CACNA2D3: variants seen among roughly 807,000 people sequenced by gnomAD.
CACNA2D3 encodes the protein voltage-dependent calcium channel subunit alpha-2/delta-3.
CACNA2D3 carries 60 observed loss-of-function variants against 160.6 expected under a neutral mutation model. The ratio of observed to expected loss-of-function variants is 0.37; its 90% CI spans 0.30 to 0.46. The LOEUF (loss-of-function observed/expected upper bound fraction) is 0.46, where lower values mean the gene tolerates loss of function less well. Among genes scored for constraint, CACNA2D3 ranks in the 20% least tolerant of loss-of-function variants. The pLI, the probability that CACNA2D3 is intolerant of heterozygous loss-of-function variation, is 1.00. For missense variants in CACNA2D3, 1,205 were observed against 1,365.0 expected (o/e 0.88, Z 1.85); for synonymous variants, 558 against 492.9 (o/e 1.13, Z -1.75).
chr3:54,138,635 G>A (rs186989383), intron 2 of CACNA2D3, among the ~76,000 whole-genome samples: 1 of 152,346 alleles, frequency 6.6e-6, no homozygotes, highest in East Asian at 1.9e-4. Context: ...GGCCCAAGGA[G>A]ATGTCACCAG....
chr3:54,966,135 T>G (rs1575412354), intron 27 of CACNA2D3, among the ~76,000 whole-genome samples: 1 of 149,844 alleles, frequency 6.7e-6, no homozygotes, highest in Non-Finnish European at 1.5e-5. Context: ...AGAACGGGGG[T>G]GGGGGTCTCA....
chr3:54,512,800 T>G (rs1481313521), intron 5 of CACNA2D3, among the ~76,000 whole-genome samples: 1 of 152,194 alleles, frequency 6.6e-6, no homozygotes, highest in Non-Finnish European at 1.5e-5. Context: ...TTCGTATTAG[T>G]CTGTTTTCAT....
rs1559462385 is a variant in CACNA2D3 at position 55,009,249 on chromosome 3, C to CT, written c.2820-138dup. 1.3e-5 allele frequency: 9 copies of CT among 717,754 alleles called. No individual in the cohort carries two copies. In the East Asian group the frequency reaches 2.4e-4, roughly 19 times the overall value. The allele number at this position is 717,754 out of a possible 1,614,324, so 44.5% of individuals were successfully genotyped here. ...AACCCCTGTGAAAATTTAGTAGTAA[C>CT]TCAGCCAACTGTGTTGATATCTCCA... On this transcript the variant is annotated intron_variant, in intron 33 of 37. Transcript: ENST00000474759.
chr3:54,219,620 A>T (rs1251490181), intron 2 of CACNA2D3, among the ~76,000 whole-genome samples: 2 of 151,942 alleles, frequency 1.3e-5, no homozygotes, highest in Non-Finnish European at 2.9e-5. Flanking sequence ...TTCTTCTCAT[A>T]CAAGGGACGC....
At chr3:54,453,110 G>C (rs1373585101) in intron 4 of CACNA2D3, among the ~76,000 whole-genome samples, 1 of 151,946 alleles carries the variant, frequency 6.6e-6, no homozygotes, top group Admixed American at 6.6e-5. Context: ...CCCTACCTCA[G>C]CTTCCCAAGC....
intron 13 of CACNA2D3, among the ~76,000 whole-genome samples, chr3:54,804,848 T>C (rs944749693): frequency 7.9e-5 from 12 of 152,272 alleles, no homozygotes; most frequent in Non-Finnish European, 1.8e-4. Context: ...TATAACAAAC[T>C]GTCTCTCAGA....
chr3:54,386,796 T>A, intron 4 of CACNA2D3, 22 bp downstream of exon 4: 1 of 1,570,830 alleles, frequency 6.4e-7, no homozygotes, highest in Non-Finnish European at 8.7e-7. Context: ...TAGTTTGAGT[T>A]AAATTGTTTT....
intron 2 of CACNA2D3, among the ~76,000 whole-genome samples, chr3:54,240,912 T>C (rs1053230296): frequency 6.6e-6 from 1 of 152,098 alleles, no homozygotes; most frequent in African/African-American, 2.4e-5. Context: ...TGGCTAATTT[T>C]TGTATTTTGA....
chr3:54,163,514 C>T (rs881701), intron 2 of CACNA2D3, among the ~76,000 whole-genome samples: 9,852 of 152,234 alleles, frequency 0.065, 1,027 homozygotes, highest in African/African-American at 0.22. Context: ...TTTTGAAGTG[C>T]ATGTTTCACT....
chr3:54,402,399 C>T (rs532257424), intron 4 of CACNA2D3, among the ~76,000 whole-genome samples: 4 of 152,060 alleles, frequency 2.6e-5, no homozygotes, highest in African/African-American at 9.6e-5. Flanking sequence ...CCCACTTTAG[C>T]CTTAAGGACA....
chr3:54,944,741 G>A (rs1445074873), intron 27 of CACNA2D3, among the ~76,000 whole-genome samples: 4 of 152,020 alleles, frequency 2.6e-5, no homozygotes. Flanking sequence ...ATTTTTTATA[G>A]CAGCCTTTTC....
In CACNA2D3 at chr3:54,998,221, C is replaced by T. The variant is rs570262975; in HGVS notation, c.2691-6542C>T. 5.9e-5 allele frequency among the ~76,000 whole-genome samples: 9 copies of T among 151,332 alleles called. No homozygotes were observed. The South Asian group carries it at 6.3e-4, about 11-fold the overall frequency. On this transcript the variant is annotated intron_variant, in intron 31 of 37. Coordinates refer to ENST00000474759, the MANE Select transcript of CACNA2D3 (RefSeq NM_018398.3). Reference sequence around the variant, plus strand: ...ACAAATCTCAGTTCACTGCCACCTCCGCCTCCTGGGTTCAAGCAATTCTCA... The same window carrying T: ...ACAAATCTCAGTTCACTGCCACCTCTGCCTCCTGGGTTCAAGCAATTCTCA...
chr3:54,191,047 CA>C (rs35592309), intron 2 of CACNA2D3, among the ~76,000 whole-genome samples: 37,589 of 103,602 alleles, frequency 0.36, 4,540 homozygotes, highest in East Asian at 0.43. Flanking sequence ...TAGGTGGAAG[CA>C]AAAAAAAAAA....
At chr3:54,468,025 A>T (rs756138116) in intron 4 of CACNA2D3, among the ~76,000 whole-genome samples, 2 of 152,178 alleles carry the variant, frequency 1.3e-5, no homozygotes, top group Non-Finnish European at 2.9e-5. Context: ...TTGTACATTT[A>T]AAAAATTGAA....
At chr3:54,899,272 C>G (rs1700271296) in intron 26 of CACNA2D3, among the ~76,000 whole-genome samples, 1 of 152,218 alleles carries the variant, frequency 6.6e-6, no homozygotes, top group African/African-American at 2.4e-5. Context: ...TATGCTCTAG[C>G]TCTATCCCTG....
chr3:54,906,175 C>T (rs1700444160), intron 27 of CACNA2D3, among the ~76,000 whole-genome samples: 1 of 151,476 alleles, frequency 6.6e-6, no homozygotes, highest in Non-Finnish European at 1.5e-5. Flanking sequence ...GTGGCAGATA[C>T]ACACAAGTAT....
intron 13 of CACNA2D3, among the ~76,000 whole-genome samples, chr3:54,809,311 CTTTTTTTTTT>C (rs1217898723): frequency 1.2e-5 from 1 of 80,734 alleles, no homozygotes; most frequent in Admixed American, 1.4e-4. Context: ...TTCCTTCTTT[CTTTTTTTTTT>C]TTTTTTTTGA....
At position 54,880,039 on chromosome 3, in the gene CACNA2D3, G is replaced by A. The variant is rs980541197; in HGVS notation, c.1844+628G>A. On this transcript the variant is annotated intron_variant, in intron 20 of 37. Coordinates refer to ENST00000474759, the MANE Select transcript of CACNA2D3 (RefSeq NM_018398.3). Reference sequence around the variant, plus strand: ...GCCTGCTTCATATTCCTGAACTGGCGTCTCAGAGCTAAGGAGAGAAGGAGT... The same window carrying A: ...GCCTGCTTCATATTCCTGAACTGGCATCTCAGAGCTAAGGAGAGAAGGAGT... 4.6e-5 allele frequency among the ~76,000 whole-genome samples: 7 copies of A among 152,268 alleles called. 1 individual carries two copies. The highest frequency in any genetic ancestry group is 2.0e-4 in the Admixed American group (3 of 15,298).
At chr3:54,441,514 G>C (rs539982298) in intron 4 of CACNA2D3, among the ~76,000 whole-genome samples, 1 of 152,062 alleles carries the variant, frequency 6.6e-6, no homozygotes, top group Admixed American at 6.5e-5. Flanking sequence ...GTCAATTTTG[G>C]CTTTTGTTGC....
Sources: gnomAD v4.1 joint callset for allele counts (sites outside exome capture counted in the v4.1 genomes callset) on GRCh38, gnomAD v4.1.1 for gene constraint, MANE v1.5 for transcripts, NCBI Gene and HGNC (gene_info 2026-07-23, HGNC 2026-07-21) for gene names.